The following ADORA2A variants were observed in gnomAD, a reference collection of about 807,000 sequenced individuals.
The protein encoded by ADORA2A is adenosine A2a receptor.
Under a neutral mutation model 18.4 loss-of-function variants are expected in ADORA2A, and 11 were observed. The observed-to-expected ratio is 0.60, with a 90% confidence interval of 0.38 to 0.99. The LOEUF is 0.99. ADORA2A is among the 50% of genes least tolerant of loss of function. The pLI is 0.01. For missense variants in ADORA2A, 449 were observed against 556.1 expected (o/e 0.81, Z 1.94); for synonymous variants, 218 against 237.3 (o/e 0.92, Z 0.75).
In ADORA2A at chr22:24,441,149, G is replaced by T. The variant is rs4990; in HGVS notation, c.899G>T (p.Arg300Leu). The change falls in exon 3 of 3, where the codon CGC becomes CTC. Residue 300 changes from arginine (R) to leucine (L), a missense_variant. Coordinates refer to ENST00000337539, the MANE Select transcript of ADORA2A (RefSeq NM_000675.6). ...YRIREFRQTF[R>L]KIIRSHVLRQ... ...ATCCGCGAGTTCCGCCAGACCTTCC[G>T]CAAGATCATTCGCAGCCACGTCCTG... is the stretch of plus-strand genomic sequence containing the variant. 6.2e-7 allele frequency: 1 copy of T among 1,614,152 alleles called. No homozygotes were observed. Among genetic ancestry groups the T allele is most frequent in the South Asian group, 1.1e-5 (1 of 91,090 alleles).
Position 24,440,748 on chromosome 22 carries a change from T to C in ADORA2A, c.498T>C (p.Cys166=). The C allele has an allele frequency of 6.2e-7, 1 of 1,614,226 alleles. No individual in the cohort carries two copies. The highest frequency in any genetic ancestry group is 8.5e-7 in the Non-Finnish European group (1 of 1,180,044). ...SQGCGEGQVA[C]LFEDVVPMNY... is the part of the protein sequence containing the mutation. The stretch of plus-strand genomic sequence containing the variant: ...GCTGCGGGGAGGGCCAAGTGGCCTG[T>C]CTCTTTGAGGATGTGGTCCCCATGA... Residue 166 remains cysteine (C), a synonymous_variant, in exon 3 of 3, where the codon TGT becomes TGC. Coordinates refer to ENST00000337539, the MANE Select transcript of ADORA2A (RefSeq NM_000675.6).
rs1025448800 is a variant in ADORA2A at position 24,441,485 on chromosome 22, C to T, written c.1235C>T (p.Ser412Phe). The T allele has an allele frequency of 6.6e-7, 1 of 1,507,728 alleles. No homozygotes were observed. The highest frequency in any genetic ancestry group is 1.4e-5 in the African/African-American group (1 of 71,658). The allele number at this position is 1,507,728 out of a possible 1,614,324, so 93.4% of individuals were successfully genotyped here. Residue 412 changes from serine to phenylalanine, a missense_variant, in exon 3 of 3, where the codon TCC (serine) becomes TTC (phenylalanine). Ser to Phe is a radical substitution (Grantham distance 155). Coordinates refer to ENST00000337539, the MANE Select transcript of ADORA2A (RefSeq NM_000675.6). ...DPLAQDGAGV[S>F] ...CTGGCCCAGGATGGAGCAGGAGTGTCCTGATGATTCATGGAGTTTGCCCCT... is the reference window on the plus strand; with the variant it reads ...CTGGCCCAGGATGGAGCAGGAGTGTTCTGATGATTCATGGAGTTTGCCCCT...
At chr22:24,433,901 G>A (rs2043109947) in intron 2 of ADORA2A, among the ~76,000 whole-genome samples, 165 bp downstream of exon 2, 2 of 152,258 alleles carry the variant, frequency 1.3e-5, no homozygotes, top group South Asian at 2.1e-4. Flanking sequence ...GGGCCAGCAC[G>A]TGGCCAGCAG....
intron 1 of ADORA2A, among the ~76,000 whole-genome samples, chr22:24,428,116 C>A (rs977224358): frequency 3.9e-5 from 6 of 152,206 alleles, no homozygotes; most frequent in African/African-American, 1.4e-4. Context: ...GGCTGCTTAC[C>A]ACTGGGCAGT....
At chr22:24,439,594 GATC>G (rs1353503868) in intron 2 of ADORA2A, 1 of 152,054 alleles carries the variant, frequency 6.6e-6, no homozygotes, top group Non-Finnish European at 1.5e-5. Context: ...ATCCCTCAGT[GATC>G]ATCAAGGTTG....
chr22:24,431,284 T>G (rs1292766555), intron 1 of ADORA2A: 2 of 456,892 alleles, frequency 4.4e-6, no homozygotes, highest in South Asian at 3.1e-5. Context: ...TCCTCCTGCT[T>G]CTGTGTCAAT....
At chr22:24,423,945 G>A (rs549812788), upstream of ADORA2A, 2 of 152,152 alleles carry the variant, frequency 1.3e-5, no homozygotes, top group South Asian at 4.1e-4. Context: ...GGGAGCCGGC[G>A]TGCGAGCGGC....
intron 2 of ADORA2A, among the ~76,000 whole-genome samples, chr22:24,439,861 A>G (rs1440333496): frequency 3.3e-5 from 5 of 152,164 alleles, no homozygotes; most frequent in Non-Finnish European, 7.4e-5. Context: ...GTAAATGTTA[A>G]CAAGTAATTC....
At chr22:24,429,794 C>T (rs1278681628) in intron 1 of ADORA2A, 1 of 152,334 alleles carries the variant, frequency 6.6e-6, no homozygotes, top group Non-Finnish European at 1.5e-5. Flanking sequence ...GCAGGCTGCA[C>T]AAGCTGTGTC....
In ADORA2A at chr22:24,441,518, G is replaced by C; in HGVS notation, c.*29G>C. On this transcript the variant is annotated 3_prime_UTR_variant, in exon 3 of 3. Coordinates refer to ENST00000337539, the MANE Select transcript of ADORA2A (RefSeq NM_000675.6). ...TTCATGGAGTTTGCCCCTTCCTAAG[G>C]GAAGGAGATCTTTATCTTTCTGGTT... 1 of 1,478,030 alleles carries C rather than the reference G, an allele frequency of 6.8e-7. No individual in the cohort carries two copies. Among genetic ancestry groups the C allele is most frequent in the Non-Finnish European group, 9.0e-7 (1 of 1,114,832 alleles). 91.6% of individuals were successfully genotyped at this position (1,478,030 alleles called of 1,614,324 possible).
intron 1 of ADORA2A, chr22:24,431,721 C>T (rs1424735582): frequency 2.8e-6 from 1 of 351,070 alleles, no homozygotes; most frequent in Non-Finnish European, 5.6e-6. Flanking sequence ...TCTTAGCTCT[C>T]AAAGAGGGGC....
intron 1 of ADORA2A, chr22:24,429,196 G>A (rs985706165): frequency 1.3e-5 from 2 of 152,326 alleles, no homozygotes; most frequent in Non-Finnish European, 2.9e-5. Flanking sequence ...GGAACCAGAA[G>A]ATGTGTGGGT....
chr22:24,431,567 AAG>A (rs150456878), intron 1 of ADORA2A: 38 of 445,938 alleles, frequency 8.5e-5, no homozygotes, highest in South Asian at 1.3e-4. Flanking sequence ...CATGTCCTGG[AAG>A]AGAGAGAGAG....
intron 1 of ADORA2A, chr22:24,430,148 C>G (rs1364677057): frequency 6.6e-6 from 1 of 152,384 alleles, no homozygotes; most frequent in African/African-American, 2.4e-5. Flanking sequence ...GAGAAAGGCA[C>G]AGCTGAGAGT....
At chr22:24,426,212 C>T (rs769049878), upstream of ADORA2A, among the ~76,000 whole-genome samples, 6 of 152,218 alleles carry the variant, frequency 3.9e-5, no homozygotes, top group African/African-American at 7.2e-5. Flanking sequence ...CTCTCACAGA[C>T]CTAATACCCG....
upstream of ADORA2A, chr22:24,424,662 A>T (rs2042898367): frequency 6.6e-6 from 1 of 152,360 alleles, no homozygotes; most frequent in Admixed American, 6.6e-5. This position sits in a 1 kb window ranked among gnomAD's most constrained non-coding sequence, Gnocchi z 4.9. Flanking sequence ...TGGTGGCGGG[A>T]ACTGGGTTTG....
Position 24,441,385 on chromosome 22 carries a change from G to A in ADORA2A, c.1135G>A (p.Gly379Ser). 6.4e-7 allele frequency: 1 copy of A among 1,570,878 alleles called. No homozygotes were observed. Among genetic ancestry groups the A allele is most frequent in the Non-Finnish European group, 8.6e-7 (1 of 1,159,088 alleles). ...TGCCCAAGAGTCCCAGGGGAACACGGGCCTCCCAGACGTGGAGCTCCTTAG... is the reference window on the plus strand; with the variant it reads ...TGCCCAAGAGTCCCAGGGGAACACGAGCCTCCCAGACGTGGAGCTCCTTAG... Reference protein sequence around the residue: ...GSAQESQGNTGLPDVELLSHE... With the variant: ...GSAQESQGNTSLPDVELLSHE... The change falls in exon 3 of 3, where the codon GGC (glycine) becomes AGC (serine). Residue 379 changes from glycine to serine, a missense_variant. Gly to Ser is a moderately conservative substitution (Grantham distance 56). Transcript: ENST00000337539.
Position 24,441,584 on chromosome 22 carries a change from G to C in ADORA2A, c.*95G>C, listed in dbSNP as rs935566326. On this transcript the variant is annotated 3_prime_UTR_variant, in exon 3 of 3. Transcript: ENST00000337539. Reference sequence around the variant, plus strand: ...GTTGGGAGAAGAGAGAGAGTGCCAGGAGACCCTGAGGGCAGCCGGTTCCTA... The same window carrying C: ...GTTGGGAGAAGAGAGAGAGTGCCAGCAGACCCTGAGGGCAGCCGGTTCCTA... 7.7e-7 allele frequency: 1 copy of C among 1,295,650 alleles called. No individual in the cohort carries two copies. The highest frequency in any genetic ancestry group is 1.5e-5 in the African/African-American group (1 of 67,418). The allele number at this position is 1,295,650 out of a possible 1,614,324, so 80.3% of individuals were successfully genotyped here.
chr22:24,433,950 C>T (rs2043111486), intron 2 of ADORA2A, among the ~76,000 whole-genome samples: 1 of 152,262 alleles, frequency 6.6e-6, no homozygotes, highest in African/African-American at 2.4e-5. Context: ...CGCAGGGCAG[C>T]CTGGCCCTCC....
Sources: allele counts gnomAD v4.1 joint callset (sites outside exome capture counted in the v4.1 genomes callset), GRCh38; gene constraint gnomAD v4.1.1; non-coding constraint Gnocchi (gnomAD v3.1); transcripts MANE v1.5; gene names NCBI Gene and HGNC (gene_info 2026-07-23, HGNC 2026-07-21).